POLE: variants seen among roughly 807,000 people sequenced by gnomAD.
The protein encoded by POLE is DNA polymerase epsilon catalytic subunit A.
A neutral mutation model predicts 279.2 loss-of-function variants in POLE; 188 were observed. The observed-to-expected ratio is 0.67, with a 90% CI of 0.60 to 0.76. The LOEUF (loss-of-function observed/expected upper bound fraction) is 0.76, where lower values mean the gene tolerates loss of function less well. Among genes scored for constraint, POLE ranks in the 30% least tolerant of loss-of-function variants. POLE has a pLI of 0.00. For synonymous variants in POLE, 1,214 were observed against 1,172.5 expected (o/e 1.04, Z -0.72); for missense variants, 2,703 against 3,016.7 (o/e 0.90, Z 2.44).
rs5744774 is a variant in POLE, at chr12:132,673,856, A to G, written c.1227-149T>C. 0.48 allele frequency: 380,745 copies of G among 792,360 alleles called. 96,167 individuals carry two copies. The highest frequency in any genetic ancestry group is 0.72 in the African/African-American group (41,728 of 58,340). 49.1% of individuals were successfully genotyped at this position (792,360 alleles called of 1,614,324 possible). The stretch of plus-strand genomic sequence containing the variant: ...CACACCAAGGCCCCACATGGTGTAG[A>G]CACCTTGTGAAAACCCTTCATCAGG... On this transcript the variant is annotated intron_variant, in intron 12 of 48. Transcript: ENST00000320574.
intron 23 of POLE, among the ~76,000 whole-genome samples, chr12:132,662,812 G>A (rs2042708022): frequency 6.6e-6 from 1 of 152,192 alleles, no homozygotes; most frequent in South Asian, 2.1e-4. Flanking sequence ...AGGGGAACAC[G>A]TGGAGCAGGA....
chr12:132,683,018 G>A (rs79952073), intron 1 of POLE, among the ~76,000 whole-genome samples: 382 of 152,090 alleles, frequency 2.5e-3, no homozygotes, highest in Non-Finnish European at 4.6e-3. Context: ...TTTGTCTGAA[G>A]GTATTCCTTG....
Position 132,634,021 on chromosome 12 carries a change from C to A in POLE, c.6004+165G>T, listed in dbSNP as rs5745007. ...GCCCTCCAGTGGAACATGCCTGGAG[C>A]CTGGAGAGGAGGCCCCTCGGCTCAC... On this transcript the variant is annotated intron_variant, in intron 43 of 48. Transcript: ENST00000320574. The surrounding 1 kb of genome is among the most constrained non-coding windows in gnomAD (Gnocchi z 4.0). The A allele has an allele frequency of 2.9e-3, 1,864 of 645,546 alleles. 22 individuals are homozygous for A. The African/African-American group carries it at 0.031, about 11-fold the overall frequency. 40.0% of individuals were successfully genotyped at this position (645,546 alleles called of 1,614,324 possible).
In POLE at chr12:132,665,250, G is replaced by C. The variant is rs1024357311; in HGVS notation, c.2468+52C>G. The C allele has an allele frequency of 4.4e-6, 7 of 1,575,282 alleles. No homozygotes were observed. In the East Asian group the frequency reaches 1.6e-4, roughly 36 times the overall value. ...GCCTACACCTGAAGCTGCCCTAAAC[G>C]TGGACTCATCCATTCCTCCCATAAG... On this transcript the variant is annotated intron_variant, in intron 21 of 48. Coordinates refer to ENST00000320574, the MANE Select transcript of POLE (RefSeq NM_006231.4).
At chr12:132,626,373 T>C in intron 45 of POLE, 56 bp from the exon 46 acceptor site, 1 of 1,546,552 alleles carries the variant, frequency 6.5e-7, no homozygotes, top group East Asian at 2.2e-5. Flanking sequence ...CCTGCTGCTC[T>C]GTCTGGACCA....
At chr12:132,686,098 A>G (rs2136047362) in intron 1 of POLE, among the ~76,000 whole-genome samples, 1 of 151,844 alleles carries the variant, frequency 6.6e-6, no homozygotes, top group Admixed American at 6.5e-5. Flanking sequence ...GCTGGTCTCG[A>G]ACTCCTGACC....
rs969355093 is a variant in POLE, at chr12:132,643,970, C to G, written c.4157G>C (p.Arg1386Pro). ...EEGASYRKVN[R>P]VLPRSNMVYN... ...GACCATGTTGGAGCGAGGAAGGACC[C>G]GATTTACCTGGCGAGAATACGACGA... Residue 1386 changes from arginine to proline, a missense_variant, in exon 33 of 49, where the codon CGG becomes CCG. Physicochemically the swap from Arg to Pro is moderately radical, Grantham distance 103. This residue lies in a region of POLE where 1,551 missense variants were observed against 1,686.1 expected (regional missense o/e 0.92). Transcript: ENST00000320574. The G allele has an allele frequency of 7.4e-6, 12 of 1,612,882 alleles. 1 individual carries two copies. In the Admixed American group the frequency reaches 2.0e-4, roughly 27 times the overall value.
chr12:132,634,492 G>T lies in POLE; in HGVS notation c.5812-114C>A. ...GGTCCATCTGCCCCGTTTGACCAGAGGCCTTCCTCGCAGTCAAGGCATCCC... is the reference window on the plus strand; with the variant it reads ...GGTCCATCTGCCCCGTTTGACCAGATGCCTTCCTCGCAGTCAAGGCATCCC... On this transcript the variant is annotated intron_variant, in intron 42 of 48. Coordinates refer to ENST00000320574, the MANE Select transcript of POLE (RefSeq NM_006231.4). The surrounding 1 kb of genome is among the most constrained non-coding windows in gnomAD (Gnocchi z 4.0). The T allele has an allele frequency of 9.9e-7, 1 of 1,011,318 alleles. No homozygotes were observed. Among genetic ancestry groups the T allele is most frequent in the Non-Finnish European group, 1.5e-6 (1 of 675,428 alleles). The allele number at this position is 1,011,318 out of a possible 1,614,324, so 62.6% of individuals were successfully genotyped here.
chr12:132,634,202 G>C lies in POLE; in HGVS notation c.5988C>G (p.Phe1996Leu), dbSNP rs756828876. 2.5e-5 allele frequency: 40 copies of C among 1,612,906 alleles called. 1 individual carries two copies. In the South Asian group the frequency reaches 4.3e-4, roughly 17 times the overall value. ...TGGGCTTACCTGAAACAATCATGAG[G>C]AAGTAGTTCTGGCAGGAGGCTGCCT... is the stretch of plus-strand genomic sequence containing the variant. The part of the protein sequence containing the change: ...LPQAASCQNY[F>L]LMIVSAYIVA... Residue 1996 changes from phenylalanine to leucine, a missense_variant, in exon 43 of 49, where the codon TTC becomes TTG. This residue lies in a region of POLE where 1,551 missense variants were observed against 1,686.1 expected (regional missense o/e 0.92). Transcript: ENST00000320574. The surrounding 1 kb of genome is among the most constrained non-coding windows in gnomAD (Gnocchi z 4.0).
At chr12:132,626,010 G>T in intron 46 of POLE, 107 bp downstream of exon 46, 1 of 1,193,614 alleles carries the variant, frequency 8.4e-7, no homozygotes, top group Non-Finnish European at 1.2e-6. Context: ...AGTCAGAGGG[G>T]CAGCAGGTGT....
chr12:132,625,571 C>G lies in POLE; in HGVS notation c.6657+74G>C, dbSNP rs983258510. The G allele has an allele frequency of 3.8e-6, 6 of 1,581,102 alleles. No individual in the cohort carries two copies. In the Admixed American group the frequency reaches 6.7e-5, roughly 18 times the overall value. ...GGCGTGCCTCAGGACCTGCACACAC[C>G]CCGGCTCCCGGGAGTGCACAGAAAC... On this transcript the variant is annotated intron_variant, in intron 47 of 48. Coordinates refer to ENST00000320574, the MANE Select transcript of POLE (RefSeq NM_006231.4).
chr12:132,657,290 C>A (rs751966752), intron 28 of POLE, 32 bp from the exon 29 acceptor site: 8 of 1,614,068 alleles, frequency 5.0e-6, no homozygotes, highest in Middle Eastern at 1.6e-4. Context: ...CAGAGAGAGA[C>A]CCTTGTCTAA....
rs779922585 is a variant in POLE, at chr12:132,680,011, C to A, written c.366G>T (p.Lys122Asn). 6.2e-7 allele frequency: 1 copy of A among 1,614,126 alleles called. No homozygotes were observed. Reference protein sequence around the residue: ...CEREVSSFLSKKFQGKIAKVE... With the variant: ...CEREVSSFLSNKFQGKIAKVE... ...CTTTTGCAATTTTGCCCTGAAACTTCTTGGAGAGAAAAGATGAAACTTCTC... is the reference window on the plus strand; with the variant it reads ...CTTTTGCAATTTTGCCCTGAAACTTATTGGAGAGAAAAGATGAAACTTCTC... The change falls in exon 5 of 49, where the codon AAG becomes AAT. Residue 122 changes from lysine to asparagine, a missense_variant. By Grantham distance (94) the Lys-to-Asn change is moderately conservative (BLOSUM62 0). This residue lies in a region of POLE where 1,011 missense variants were observed against 1,111.7 expected (regional missense o/e 0.91). Transcript: ENST00000320574.
At chr12:132,681,754 T>C (rs898346507) in intron 1 of POLE, among the ~76,000 whole-genome samples, 19 of 152,250 alleles carry the variant, frequency 1.2e-4, no homozygotes, top group African/African-American at 3.9e-4. Flanking sequence ...CTGTTCAACT[T>C]TATAACCAGA....
chr12:132,679,666 G>T lies in POLE; in HGVS notation c.424-15C>A. 6.2e-7 allele frequency: 1 copy of T among 1,601,028 alleles called. No homozygotes were observed. On this transcript the variant is annotated splice_polypyrimidine_tract_variant and intron_variant, in intron 5 of 48. Coordinates refer to ENST00000320574, the MANE Select transcript of POLE (RefSeq NM_006231.4). ...AAGTGATTTGGCTATAATGCGAAGA[G>T]ATCACGCTCATTGGTTCAAGAGAAA...
At chr12:132,636,149 G>T in intron 41 of POLE, 125 bp from the exon 42 acceptor site, 1 of 1,058,598 alleles carries the variant, frequency 9.4e-7, no homozygotes, top group Non-Finnish European at 1.3e-6. Context: ...AGTTCATTCA[G>T]ACCACATCAT....
In POLE at chr12:132,664,371, C is replaced by T. The variant is rs200179156; in HGVS notation, c.2560G>A (p.Gly854Arg). Residue 854 changes from glycine to arginine, a missense_variant and splice_region_variant, in exon 22 of 49, where the codon GGG becomes AGG. Around this residue, in one of 5 missense-constraint regions of POLE, gnomAD observed 21 missense variants for 51.9 expected, o/e 0.40. Transcript: ENST00000320574. The surrounding 1 kb of genome is among the most constrained non-coding windows in gnomAD (Gnocchi z 5.3). ...TQARELIEQIGRPLELDTDGI... is the reference protein window; with the variant it reads ...TQARELIEQIRRPLELDTDGI... ...CCACGGCTCCCCTTCTGCACTCACC[C>T]AATCTGCTCGATCAGCTCCCGTGCC... The T allele has an allele frequency of 1.2e-6, 2 of 1,613,612 alleles. No individual in the cohort carries two copies. Among genetic ancestry groups the T allele is most frequent in the Non-Finnish European group, 1.7e-6 (2 of 1,179,738 alleles).
chr12:132,625,846 G>A, intron 46 of POLE, 76 bp from the exon 47 acceptor site: 8 of 1,554,872 alleles, frequency 5.1e-6, no homozygotes, highest in Non-Finnish European at 6.9e-6. Context: ...TCTCAGGAGA[G>A]GAAGGGGCTG....
chr12:132,657,195 T>A lies in POLE; in HGVS notation c.3523A>T (p.Asn1175Tyr). 1 of 1,613,868 alleles carries A rather than the reference T, an allele frequency of 6.2e-7. No individual in the cohort carries two copies. Residue 1175 changes from asparagine (N) to tyrosine (Y), a missense_variant, in exon 29 of 49, where the codon AAT becomes TAT. This residue lies in a region of POLE where 1,551 missense variants were observed against 1,686.1 expected (regional missense o/e 0.92). Coordinates refer to ENST00000320574, the MANE Select transcript of POLE (RefSeq NM_006231.4). ...DWLHKKLLEK[N>Y]DVYKQKKISE... ...ATCTTCTTCTGCTTGTAGACATCAT[T>A]CTTCTCCAGCAGTTTTTTGTGCAGC...
Sources: gnomAD v4.1 joint callset for allele counts (sites outside exome capture counted in the v4.1 genomes callset) on GRCh38, gnomAD v4.1.1 for gene constraint, gnomAD v4.1.1 regional missense constraint, Gnocchi (gnomAD v3.1) non-coding constraint, MANE v1.5 for transcripts, NCBI Gene and HGNC (gene_info 2026-07-23, HGNC 2026-07-21) for gene names.